The following ELOVL7 variants were observed in gnomAD, a reference collection of about 807,000 sequenced individuals.
The protein encoded by ELOVL7 is ELOVL fatty acid elongase 7.
In ELOVL7, 27 loss-of-function variants were observed where a neutral mutation model predicts 35.7. The ratio of observed to expected loss-of-function variants is 0.76; its 90% CI spans 0.56 to 1.04. The LOEUF (loss-of-function observed/expected upper bound fraction) is 1.04, where lower values mean the gene tolerates loss of function less well. Ranked by LOEUF, ELOVL7 falls within the 50% of genes least tolerant of loss-of-function variation. The pLI is 0.00. For missense variants in ELOVL7, 327 were observed against 340.8 expected (o/e 0.96, Z 0.32); for synonymous variants, 113 against 114.6 (o/e 0.99, Z 0.09).
chr5:60,837,167 C>G (rs1746844558), intron 1 of ELOVL7, among the ~76,000 whole-genome samples: 1 of 151,096 alleles, frequency 6.6e-6, no homozygotes, highest in South Asian at 2.1e-4. Flanking sequence ...GGTGCAGTGT[C>G]TCACGCCTGT....
intron 1 of ELOVL7, among the ~76,000 whole-genome samples, chr5:60,841,185 C>A (rs1747147546): frequency 6.6e-6 from 1 of 151,944 alleles, no homozygotes; most frequent in Non-Finnish European, 1.5e-5. Flanking sequence ...GCCAACACAC[C>A]CAGCTAACTT....
chr5:60,837,315 T>TGGGGGGGGGGGGGGGGGGGGGGGGGG (rs1227317155), intron 1 of ELOVL7, among the ~76,000 whole-genome samples: 7 of 24,516 alleles, frequency 2.9e-4, no homozygotes, highest in Admixed American at 1.1e-3. Flanking sequence ...GGCGGGGGGG[T>TGGGGGGGGGGGGGGGGGGGGGGGGGG]GGGGGGGGAG....
At chr5:60,766,530 A>G in intron 6 of ELOVL7, 44 bp downstream of exon 6, 1 of 1,493,602 alleles carries the variant, frequency 6.7e-7, no homozygotes, top group Non-Finnish European at 9.2e-7. Context: ...AAGATCAAAC[A>G]TTTAAGATCA....
chr5:60,756,900 A>G (rs778587209), intron 8 of ELOVL7, among the ~76,000 whole-genome samples: 1 of 152,174 alleles, frequency 6.6e-6, no homozygotes, highest in Non-Finnish European at 1.5e-5. Context: ...GAGTCTCCAA[A>G]AAAATTAAAT....
intron 1 of ELOVL7, among the ~76,000 whole-genome samples, chr5:60,812,722 A>G (rs1185107209): frequency 6.6e-6 from 1 of 152,166 alleles, no homozygotes; most frequent in Non-Finnish European, 1.5e-5. Context: ...CTAAACCTAA[A>G]GGCTTATCCT....
At chr5:60,837,509 C>A (rs911393365) in intron 1 of ELOVL7, among the ~76,000 whole-genome samples, 2 of 152,066 alleles carry the variant, frequency 1.3e-5, no homozygotes, top group Non-Finnish European at 2.9e-5. Flanking sequence ...AGATGACAAA[C>A]CTTTCACCCC....
Position 60,805,524 on chromosome 5 carries a change from T to A in ELOVL7, c.-85-6294A>T, listed in dbSNP as rs528138571. On this transcript the variant is annotated intron_variant, in intron 1 of 8. Coordinates refer to ENST00000508821, the MANE Select transcript of ELOVL7 (RefSeq NM_024930.3). ...GTTTCTCAACTGAGAAATGTCTTAA[T>A]CAATGTGGTGCTTTGAAAAGATTGT... is the stretch of plus-strand genomic sequence containing the variant. Among the ~76,000 whole-genome samples, 4 of 152,310 alleles carry A rather than the reference T, an allele frequency of 2.6e-5. No individual in the cohort carries two copies. In the South Asian group the frequency reaches 8.3e-4, roughly 32 times the overall value.
chr5:60,803,742 C>T (rs1744773359), intron 1 of ELOVL7, among the ~76,000 whole-genome samples: 1 of 151,998 alleles, frequency 6.6e-6, no homozygotes, highest in Admixed American at 6.6e-5. Flanking sequence ...TTTCCCATCC[C>T]CCAATAACAA....
intron 3 of ELOVL7, among the ~76,000 whole-genome samples, chr5:60,779,726 A>T (rs1051835228): frequency 1.2e-4 from 19 of 152,196 alleles, no homozygotes; most frequent in Non-Finnish European, 2.4e-4. Flanking sequence ...TGTCTTGGTG[A>T]CTAACATTCA....
At chr5:60,782,896 T>C (rs1743346953) in intron 3 of ELOVL7, among the ~76,000 whole-genome samples, 1 of 152,226 alleles carries the variant, frequency 6.6e-6, no homozygotes, top group African/African-American at 2.4e-5. Flanking sequence ...CTAGAGCTAA[T>C]AATACTGTAT....
At chr5:60,784,884 A>G (rs944421336) in intron 3 of ELOVL7, among the ~76,000 whole-genome samples, 2 of 152,224 alleles carry the variant, frequency 1.3e-5, no homozygotes, top group African/African-American at 4.8e-5. Flanking sequence ...ATTTTTAAGT[A>G]TATGCTATAT....
At chr5:60,813,858 G>A (rs1745375551) in intron 1 of ELOVL7, among the ~76,000 whole-genome samples, 1 of 152,084 alleles carries the variant, frequency 6.6e-6, no homozygotes, top group South Asian at 2.1e-4. Flanking sequence ...CAAACACACT[G>A]AAACAATCAT....
At chr5:60,792,962 G>T (rs1330956411) in intron 2 of ELOVL7, among the ~76,000 whole-genome samples, 1 of 152,154 alleles carries the variant, frequency 6.6e-6, no homozygotes, top group Non-Finnish European at 1.5e-5. Flanking sequence ...GACCATGGCT[G>T]GCCTAAGTTT....
chr5:60,794,501 C>G (rs897450599), intron 2 of ELOVL7, among the ~76,000 whole-genome samples: 1 of 152,172 alleles, frequency 6.6e-6, no homozygotes, highest in Non-Finnish European at 1.5e-5. Context: ...GATGGGACCT[C>G]AGATGTGCTT....
At chr5:60,831,924 T>G (rs1235349599) in intron 1 of ELOVL7, among the ~76,000 whole-genome samples, 1 of 152,208 alleles carries the variant, frequency 6.6e-6, no homozygotes, top group Non-Finnish European at 1.5e-5. Context: ...GATCTTAATA[T>G]ATTTATTGTA....
intron 4 of ELOVL7, chr5:60,768,767 C>T (rs561746591): frequency 6.6e-6 from 3 of 452,172 alleles, no homozygotes; most frequent in Non-Finnish European, 1.3e-5. Flanking sequence ...AGGGCACTGA[C>T]AATATGATCA....
chr5:60,777,891 A>G (rs746684121), intron 3 of ELOVL7, among the ~76,000 whole-genome samples: 8 of 152,252 alleles, frequency 5.3e-5, no homozygotes, highest in Non-Finnish European at 5.9e-5. Context: ...AAATGCCACT[A>G]CATTTAACAA....
intron 1 of ELOVL7, among the ~76,000 whole-genome samples, chr5:60,825,880 G>A (rs1216455844): frequency 6.6e-6 from 1 of 152,224 alleles, no homozygotes; most frequent in African/African-American, 2.4e-5. Context: ...GGAAGGGTGG[G>A]AATCCATAGC....
chr5:60,839,873 T>A (rs1179897629), intron 1 of ELOVL7, among the ~76,000 whole-genome samples: 1 of 152,110 alleles, frequency 6.6e-6, no homozygotes, highest in Non-Finnish European at 1.5e-5. Flanking sequence ...TGGTGACATG[T>A]GTCTGTAGTC....
Sources: allele counts gnomAD v4.1 joint callset (sites outside exome capture counted in the v4.1 genomes callset), GRCh38; gene constraint gnomAD v4.1.1; transcripts MANE v1.5; gene names NCBI Gene and HGNC (gene_info 2026-07-23, HGNC 2026-07-21).